The following SGCD variants were observed in gnomAD, a reference collection of about 807,000 sequenced individuals.
SGCD encodes sarcoglycan delta, also known as delta-sarcoglycan.
Under a neutral mutation model 36.6 loss-of-function variants are expected in SGCD, and 18 were observed. The observed-to-expected ratio is 0.49, with a 90% CI of 0.34 to 0.73. The LOEUF (loss-of-function observed/expected upper bound fraction) is 0.73. SGCD is among the 30% of genes least tolerant of loss of function. SGCD has a pLI of 0.01. For missense variants in SGCD, 387 were observed against 346.7 expected, an observed-to-expected ratio of 1.12 and a Z score of -0.92; for synonymous variants, 133 against 130.6, an observed-to-expected ratio of 1.02 and a Z score of -0.12.
At chr5:156,082,928 T>C (rs183069857) in intron 1 of SGCD, among the ~76,000 whole-genome samples, 83 of 151,870 alleles carry the variant, frequency 5.5e-4, no homozygotes, top group Non-Finnish European at 9.0e-4. Context: ...CATTTGATGT[T>C]GTCGCTAATT....
the SGCD span, among the ~76,000 whole-genome samples, chr5:155,865,030 T>G: frequency 6.6e-6 from 1 of 152,024 alleles, no homozygotes; most frequent in East Asian, 1.9e-4. Context: ...TTTAGACTTT[T>G]AAAACCTATT....
chr5:156,283,571 T>C (rs541906545), intron 3 of SGCD, among the ~76,000 whole-genome samples: 7 of 152,312 alleles, frequency 4.6e-5, no homozygotes, highest in African/African-American at 1.7e-4. Flanking sequence ...TTTATCTGCA[T>C]TGTCTATTAG....
At chr5:156,418,890 T>G (rs1473837882) in intron 3 of SGCD, among the ~76,000 whole-genome samples, 1 of 152,222 alleles carries the variant, frequency 6.6e-6, no homozygotes, top group Non-Finnish European at 1.5e-5. Context: ...GCATTACCTT[T>G]TCTTTTTCCA....
chr5:156,515,730 C>T (rs931520005), intron 4 of SGCD, among the ~76,000 whole-genome samples: 3 of 152,180 alleles, frequency 2.0e-5, no homozygotes, highest in Admixed American at 6.5e-5. Flanking sequence ...AGCAGCTGCT[C>T]GAGTCGTGGC....
intron 3 of SGCD, among the ~76,000 whole-genome samples, chr5:156,174,846 G>T (rs1052160810): frequency 6.6e-6 from 1 of 152,124 alleles, no homozygotes. Flanking sequence ...GAGGCTATAA[G>T]AACAGAATAG....
At chr5:156,627,729 G>C (rs926595587) in intron 6 of SGCD, among the ~76,000 whole-genome samples, 4 of 152,052 alleles carry the variant, frequency 2.6e-5, no homozygotes, top group African/African-American at 4.8e-5. Flanking sequence ...CTGGATATTA[G>C]AATATATAAT....
chr5:156,130,001 T>C (rs1172974767), intron 3 of SGCD, among the ~76,000 whole-genome samples: 1 of 152,242 alleles, frequency 6.6e-6, no homozygotes, highest in Non-Finnish European at 1.5e-5. Context: ...TCTAGGTATA[T>C]ATCCAGTAAT....
At chr5:156,508,809 T>C (rs1756816008) in intron 4 of SGCD, 107 bp downstream of exon 4, 2 of 607,902 alleles carry the variant, frequency 3.3e-6, no homozygotes, top group South Asian at 2.6e-5. Context: ...TGGGGAGTAA[T>C]ACTGGTATTA....
At chr5:155,986,667 A>G (rs1758337857) in intron 1 of SGCD, among the ~76,000 whole-genome samples, 1 of 152,184 alleles carries the variant, frequency 6.6e-6, no homozygotes. Flanking sequence ...GCCTTGGGCT[A>G]CAGAATGCAC....
chr5:156,401,320 T>C (rs945881850), intron 3 of SGCD, among the ~76,000 whole-genome samples: 29 of 152,332 alleles, frequency 1.9e-4, no homozygotes, highest in African/African-American at 5.8e-4. Context: ...TTAACAATTA[T>C]TGGATAGTAA....
intron 1 of SGCD, among the ~76,000 whole-genome samples, chr5:156,084,600 A>G (rs1004450991): frequency 1.3e-5 from 2 of 151,814 alleles, no homozygotes; most frequent in African/African-American, 2.4e-5. Context: ...TTTTGTGTGG[A>G]TTCTTTGGGA....
chr5:156,273,136 G>T (rs78835680), intron 3 of SGCD, among the ~76,000 whole-genome samples: 6,593 of 152,162 alleles, frequency 0.043, 401 homozygotes, highest in African/African-American at 0.13. Flanking sequence ...GGATATTGGG[G>T]GTGGGCATGA....
At chr5:156,740,226 C>T (rs1480496192) in intron 7 of SGCD, among the ~76,000 whole-genome samples, 1 of 152,180 alleles carries the variant, frequency 6.6e-6, no homozygotes, top group Non-Finnish European at 1.5e-5. Context: ...TCAAATGTCC[C>T]ATTACATTGA....
intron 6 of SGCD, among the ~76,000 whole-genome samples, chr5:156,635,676 A>G (rs1195230120): frequency 6.6e-6 from 1 of 152,168 alleles, no homozygotes; most frequent in African/African-American, 2.4e-5. Context: ...AAAATGTGGC[A>G]CCTATACACC....
At chr5:156,423,361 A>ATTTTAT (rs1561685831) in intron 3 of SGCD, among the ~76,000 whole-genome samples, 1 of 63,716 alleles carries the variant, frequency 1.6e-5, no homozygotes, top group African/African-American at 5.8e-5. Context: ...TTTTATTATA[A>ATTTTAT]TATATTATAT....
the SGCD span, among the ~76,000 whole-genome samples, chr5:155,796,122 G>A: frequency 2.0e-5 from 3 of 152,078 alleles, no homozygotes; most frequent in African/African-American, 7.2e-5. Context: ...CAGATACAGG[G>A]CACTGCATAC....
At chr5:156,605,758 G>T (rs137974776) in intron 6 of SGCD, among the ~76,000 whole-genome samples, 1 of 152,164 alleles carries the variant, frequency 6.6e-6, no homozygotes, top group Middle Eastern at 3.2e-3. Flanking sequence ...GTGTGAGAGG[G>T]TATCTCATTG....
intron 3 of SGCD, among the ~76,000 whole-genome samples, chr5:156,247,615 G>T (rs1765471132): frequency 2.6e-5 from 4 of 152,098 alleles, no homozygotes; most frequent in South Asian, 4.1e-4. Context: ...AGCTGTTATA[G>T]AGAAAGAAAG....
At chr5:156,056,472 T>G (rs988810540) in intron 1 of SGCD, among the ~76,000 whole-genome samples, 1 of 143,976 alleles carries the variant, frequency 6.9e-6, no homozygotes, top group Non-Finnish European at 1.6e-5. Context: ...GACCCCGAAT[T>G]CTGATGCACC....
Sources: allele counts gnomAD v4.1 joint callset (sites outside exome capture counted in the v4.1 genomes callset), GRCh38; gene constraint gnomAD v4.1.1; transcripts MANE v1.5; gene names NCBI Gene and HGNC (gene_info 2026-07-23, HGNC 2026-07-21).